Variants in RYR2 observed in about 807,000 individuals in gnomAD.
RYR2 encodes cardiac muscle ryanodine receptor-calcium release channel.
Under a neutral mutation model 601.1 loss-of-function variants are expected in RYR2, and 227 were observed. That is an observed-to-expected ratio of 0.38 (90% CI 0.34 to 0.42). RYR2 has a LOEUF of 0.42. Ranked by LOEUF, RYR2 falls within the 10% of genes least tolerant of loss-of-function variation. RYR2 has a pLI of 1.00. For missense variants in RYR2, 4,646 were observed against 6,156.5 expected (o/e 0.75, Z 8.21); for synonymous variants, 2,223 against 2,175.1 (o/e 1.02, Z -0.61).
chr1:237,675,373 A>G (rs561233725), intron 60 of RYR2, among the ~76,000 whole-genome samples: 1 of 152,244 alleles, frequency 6.6e-6, no homozygotes, highest in East Asian at 1.9e-4. Context: ...TTAAAACCTC[A>G]TTCTTTAAGT....
At chr1:237,398,357 T>C (rs558667209) in intron 10 of RYR2, among the ~76,000 whole-genome samples, 2 of 152,134 alleles carry the variant, frequency 1.3e-5, no homozygotes, top group Non-Finnish European at 2.9e-5. Flanking sequence ...GAGAAAAGAT[T>C]TGCAAACCAT....
At chr1:237,489,955 G>A (rs2997975) in intron 17 of RYR2, among the ~76,000 whole-genome samples, 37,642 of 152,046 alleles carry the variant, frequency 0.25, 4,802 homozygotes, top group South Asian at 0.4. Context: ...CTACGGATTG[G>A]ATAAAGAAAA....
chr1:237,287,058 T>C (rs1427372491), intron 2 of RYR2, among the ~76,000 whole-genome samples: 1 of 152,178 alleles, frequency 6.6e-6, no homozygotes, highest in Non-Finnish European at 1.5e-5. Flanking sequence ...TGAAAAAGAC[T>C]GTATCTTTCC....
At chr1:237,685,817 C>T (rs1335534349) in intron 62 of RYR2, among the ~76,000 whole-genome samples, 1 of 152,090 alleles carries the variant, frequency 6.6e-6, no homozygotes, top group Non-Finnish European at 1.5e-5. Flanking sequence ...GTCTAGTAGC[C>T]ACTTGAATAG....
rs536023161 is a variant in RYR2 at position 237,476,406 on chromosome 1, A to G, written c.1708+7219A>G. ...GTGCCTGTAATCCCAGCTACTCAGG[A>G]GGCCGAGGCAGGAGAATCGCTTGAA... is the stretch of plus-strand genomic sequence containing the variant. On this transcript the variant is annotated intron_variant, in intron 17 of 104. Transcript: ENST00000366574. Among the ~76,000 whole-genome samples, 9 of 150,616 alleles carry G rather than the reference A, an allele frequency of 6.0e-5. No individual in the cohort carries two copies. In the East Asian group the frequency reaches 1.6e-3, roughly 27 times the overall value.
In RYR2 at chr1:237,610,286, T is replaced by C; in HGVS notation, c.4684-476T>C. 6.6e-6 allele frequency among the ~76,000 whole-genome samples: 1 copy of C among 152,208 alleles called. No homozygotes were observed. The highest frequency in any genetic ancestry group is 6.5e-5 in the Admixed American group (1 of 15,284). ...GTAGTCAGGTTTATCTGTTGAGCTT[T>C]ATCTGGAATACTTCTGGCTAGAGGA... is the stretch of plus-strand genomic sequence containing the variant. On this transcript the variant is annotated intron_variant, in intron 35 of 104. Transcript: ENST00000366574. This position sits in a 1 kb window ranked among gnomAD's most constrained non-coding sequence, Gnocchi z 4.9.
rs181732213 is a variant in RYR2 at position 237,655,893 on chromosome 1, T to G, written c.8038T>G (p.Tyr2680Asp). ...SAVAGALPPDYMESNYVSMME... is the reference protein window; with the variant it reads ...SAVAGALPPDDMESNYVSMME... ...AGTTGCGGGAGCTTTGCCTCCAGAC[T>G]ACATGGAGTCAAATTATGTCAGTAT... The change falls in exon 53 of 105, where the codon TAC becomes GAC. Residue 2680 changes from tyrosine (Y) to aspartate (D), a missense_variant. Transcript: ENST00000366574. 6.8e-6 allele frequency: 11 copies of G among 1,611,540 alleles called. No homozygotes were observed. Among genetic ancestry groups the G allele is most frequent in the Non-Finnish European group, 9.3e-6 (11 of 1,178,582 alleles).
At chr1:237,226,178 C>T (rs956866674) in intron 1 of RYR2, among the ~76,000 whole-genome samples, 2 of 152,034 alleles carry the variant, frequency 1.3e-5, no homozygotes, top group East Asian at 1.9e-4. Context: ...TGTTCAGGAA[C>T]GGTTTTATGG....
At chr1:237,347,599 A>G (rs906245717) in intron 3 of RYR2, among the ~76,000 whole-genome samples, 5 of 152,138 alleles carry the variant, frequency 3.3e-5, no homozygotes, top group African/African-American at 1.2e-4. Context: ...TAGGCCAGAA[A>G]CGATGTACTT....
At chr1:237,536,459 A>C (rs1245169188) in intron 25 of RYR2, among the ~76,000 whole-genome samples, 1 of 152,072 alleles carries the variant, frequency 6.6e-6, no homozygotes. Context: ...TCACGCCTGT[A>C]ACCCCAGCAC....
At chr1:237,220,365 G>A (rs1417650043) in intron 1 of RYR2, among the ~76,000 whole-genome samples, 1 of 152,172 alleles carries the variant, frequency 6.6e-6, no homozygotes, top group African/African-American at 2.4e-5. Context: ...TTTACCAGTG[G>A]CCTCCTGGGG....
At chr1:237,141,922 A>G (rs1362244910) in intron 1 of RYR2, among the ~76,000 whole-genome samples, 3 of 152,342 alleles carry the variant, frequency 2.0e-5, no homozygotes, top group African/African-American at 7.2e-5. Flanking sequence ...GGGACCTGTC[A>G]CACTACAGAA....
At chr1:237,458,042 CA>C (rs1659047516) in intron 16 of RYR2, among the ~76,000 whole-genome samples, 1 of 152,148 alleles carries the variant, frequency 6.6e-6, no homozygotes, top group Admixed American at 6.6e-5. Flanking sequence ...CTGAACTTTC[CA>C]TACACATCAC....
chr1:237,504,505 T>C (rs1665008285), intron 22 of RYR2, among the ~76,000 whole-genome samples: 1 of 152,186 alleles, frequency 6.6e-6, no homozygotes. Flanking sequence ...TTTACTTCTT[T>C]TGTGGATCTT....
chr1:237,704,486 AAATC>A (rs546438542), intron 66 of RYR2, among the ~76,000 whole-genome samples: 119 of 152,216 alleles, frequency 7.8e-4, no homozygotes, highest in African/African-American at 2.7e-3. Flanking sequence ...TTTTATGACT[AAATC>A]AATATCATAT....
At chr1:237,367,160 C>A (rs1212925284) in intron 5 of RYR2, among the ~76,000 whole-genome samples, 1 of 152,110 alleles carries the variant, frequency 6.6e-6, no homozygotes. Flanking sequence ...GCGGTGTGAC[C>A]TCGGCTCACT....
intron 33 of RYR2, 55 bp downstream of exon 33, chr1:237,593,691 C>T (rs1559082152): frequency 5.2e-6 from 8 of 1,533,004 alleles, no homozygotes. Context: ...TATTGGTGAA[C>T]CTAGCTATTC....
chr1:237,339,158 G>A (rs1028249788), intron 3 of RYR2, among the ~76,000 whole-genome samples: 4 of 151,844 alleles, frequency 2.6e-5, no homozygotes, highest in Non-Finnish European at 5.9e-5. Flanking sequence ...TGTAAATGTA[G>A]AGATACCTGC....
rs183709242 is a variant in RYR2 at position 237,504,758 on chromosome 1, G to A, written c.2613+1253G>A. Among the ~76,000 whole-genome samples the A allele has an allele frequency of 1.8e-3, 281 of 152,248 alleles. 2 individuals are homozygous for A. The highest frequency in any genetic ancestry group is 3.5e-3 in the South Asian group (17 of 4,824). On this transcript the variant is annotated intron_variant, in intron 22 of 104. Transcript: ENST00000366574. ...ATGTGACACACACCGATCTTAGAGT[G>A]TAGTTCTTAAGCCCCCAACCTTTTT...
Sources: gnomAD v4.1 joint callset for allele counts (sites outside exome capture counted in the v4.1 genomes callset) on GRCh38, gnomAD v4.1.1 for gene constraint, Gnocchi (gnomAD v3.1) non-coding constraint, MANE v1.5 for transcripts, NCBI Gene and HGNC (gene_info 2026-07-23, HGNC 2026-07-21) for gene names.